DNM3: variants seen among roughly 807,000 people sequenced by gnomAD.
DNM3 encodes the protein dynamin-3.
A neutral mutation model predicts 101.6 loss-of-function variants in DNM3; 47 were observed. The ratio of observed to expected loss-of-function variants is 0.46; its 90% confidence interval spans 0.37 to 0.59. The LOEUF is 0.59. Ranked by LOEUF, DNM3 falls within the 20% of genes least tolerant of loss-of-function variation. The pLI is 0.00. For synonymous variants in DNM3, 385 were observed against 387.9 expected, an observed-to-expected ratio of 0.99 and a Z score of 0.09; for missense variants, 849 against 1,085.7, an observed-to-expected ratio of 0.78 and a Z score of 3.06.
chr1:172,011,774 T>G (rs908360427), intron 4 of DNM3, among the ~76,000 whole-genome samples: 5 of 152,028 alleles, frequency 3.3e-5, no homozygotes, highest in Non-Finnish European at 7.4e-5. Context: ...TCAAAACCAA[T>G]AGATCCAAAT....
In DNM3 at chr1:172,253,557, C is replaced by T. The variant is rs1254119746; in HGVS notation, c.1660-16C>T. On this transcript the variant is annotated splice_polypyrimidine_tract_variant and intron_variant, in intron 14 of 20. Coordinates refer to ENST00000627582, the MANE Select transcript of DNM3 (RefSeq NM_015569.5). ...CTCCTCTCCTCTCCCTCTTTTCTTT[C>T]TCTCTCTTATAATAGGAAAAAGAAA... The T allele has an allele frequency of 6.9e-7, 1 of 1,452,660 alleles. No homozygotes were observed. Among genetic ancestry groups the T allele is most frequent in the Admixed American group, 2.1e-5 (1 of 47,860 alleles). The allele number at this position is 1,452,660 out of a possible 1,614,324, so 90.0% of individuals were successfully genotyped here.
intron 1 of DNM3, among the ~76,000 whole-genome samples, chr1:171,877,901 A>G (rs2035921473): frequency 6.6e-6 from 1 of 152,296 alleles, no homozygotes; most frequent in Admixed American, 6.5e-5. Context: ...GTGTCTGATT[A>G]TGAACAGGCT....
At chr1:172,306,434 T>G (rs9425543) in intron 15 of DNM3, among the ~76,000 whole-genome samples, 51,668 of 151,904 alleles carry the variant, frequency 0.34, 9,641 homozygotes, top group African/African-American at 0.5. Context: ...AATCAATATT[T>G]TGAAAATGGC....
intron 1 of DNM3, among the ~76,000 whole-genome samples, chr1:171,871,648 C>A (rs570596796): frequency 7.2e-5 from 11 of 152,168 alleles, no homozygotes; most frequent in Non-Finnish European, 1.5e-4. Flanking sequence ...ATATTAGTGA[C>A]CATATAAGTT....
intron 9 of DNM3, among the ~76,000 whole-genome samples, chr1:172,045,077 A>T (rs2049683969): frequency 2.7e-5 from 4 of 149,762 alleles, no homozygotes; most frequent in Admixed American, 6.6e-5. Context: ...GAGCGGGCAC[A>T]GTATATATCC....
chr1:172,379,299 G>T (rs1310364425), intron 18 of DNM3, 117 bp downstream of exon 18: 2 of 936,762 alleles, frequency 2.1e-6, no homozygotes, highest in East Asian at 2.7e-5. Flanking sequence ...TATTACCCAG[G>T]TTCATCATTT....
intron 2 of DNM3, among the ~76,000 whole-genome samples, chr1:171,941,046 G>A (rs961641149): frequency 3.9e-5 from 6 of 151,930 alleles, no homozygotes; most frequent in Non-Finnish European, 8.8e-5. Context: ...GTGCTATTGA[G>A]ATCATTAAAC....
chr1:172,381,959 C>T (rs56209454), intron 18 of DNM3, among the ~76,000 whole-genome samples: 86 of 152,204 alleles, frequency 5.7e-4, no homozygotes, highest in African/African-American at 1.9e-3. Flanking sequence ...GAATATGTTT[C>T]GGCCTTCTGA....
At chr1:172,064,477 G>A (rs528723768) in intron 10 of DNM3, among the ~76,000 whole-genome samples, 1 of 152,010 alleles carries the variant, frequency 6.6e-6, no homozygotes, top group Non-Finnish European at 1.5e-5. Flanking sequence ...TAAGTAAAGG[G>A]TGACACAAAC....
rs2064957037 is a variant in DNM3 at position 172,308,797 on chromosome 1, G to T, written c.1839G>T (p.Lys613Asn). 6.2e-7 allele frequency: 1 copy of T among 1,610,688 alleles called. No individual in the cohort carries two copies. The highest frequency in any genetic ancestry group is 8.5e-7 in the Non-Finnish European group (1 of 1,178,572). Reference protein sequence around the residue: ...CDSQEDVDSWKASLLRAGVYP... With the variant: ...CDSQEDVDSWNASLLRAGVYP... ...CCCAGGAGGATGTCGACAGCTGGAA[G>T]GCATCTCTACTAAGAGCTGGGGTCT... Residue 613 changes from lysine (K) to asparagine (N), a missense_variant, in exon 16 of 21, where the codon AAG (lysine) becomes AAT (asparagine). By Grantham distance (94) the Lys-to-Asn change is moderately conservative. Around this residue, in one of 5 missense-constraint regions of DNM3, gnomAD observed 5 missense variants for 23.4 expected, o/e 0.21. Coordinates refer to ENST00000627582, the MANE Select transcript of DNM3 (RefSeq NM_015569.5).
chr1:171,920,523 A>C (rs1571616399), intron 1 of DNM3, among the ~76,000 whole-genome samples: 2 of 152,280 alleles, frequency 1.3e-5, no homozygotes, highest in South Asian at 4.1e-4. Context: ...TGTGGTTATA[A>C]TACTTTCTGA....
At chr1:172,120,602 T>C (rs1375831490) in intron 13 of DNM3, among the ~76,000 whole-genome samples, 1 of 152,142 alleles carries the variant, frequency 6.6e-6, no homozygotes, top group Admixed American at 6.5e-5. Context: ...TTAGGTAGAG[T>C]GGCCACACTG....
chr1:171,978,885 C>A (rs1000579344), intron 2 of DNM3, among the ~76,000 whole-genome samples: 1 of 151,976 alleles, frequency 6.6e-6, no homozygotes, highest in Non-Finnish European at 1.5e-5. Flanking sequence ...GTGGAAATGT[C>A]AGTTAAGCAT....
At chr1:172,195,507 C>T (rs968305856) in intron 14 of DNM3, among the ~76,000 whole-genome samples, 3 of 151,848 alleles carry the variant, frequency 2.0e-5, no homozygotes, top group African/African-American at 4.8e-5. Context: ...TTCCTCATCT[C>T]ATGGTACAGC....
intron 15 of DNM3, among the ~76,000 whole-genome samples, chr1:172,270,345 C>G (rs1296433691): frequency 2.0e-5 from 3 of 151,336 alleles, no homozygotes; most frequent in African/African-American, 7.3e-5. Flanking sequence ...ATCATGCACT[C>G]AAGATATTAA....
intron 16 of DNM3, among the ~76,000 whole-genome samples, chr1:172,312,012 T>G (rs1368855810): frequency 6.6e-6 from 1 of 152,226 alleles, no homozygotes; most frequent in Non-Finnish European, 1.5e-5. Flanking sequence ...ATTGCTTGAC[T>G]TTCAGATATT....
intron 20 of DNM3, among the ~76,000 whole-genome samples, chr1:172,402,591 C>T (rs781311368): frequency 6.6e-6 from 1 of 152,130 alleles, no homozygotes; most frequent in Non-Finnish European, 1.5e-5. Context: ...TGCTGGACTT[C>T]AATCCTACCC....
At chr1:172,011,579 A>G (rs1484785529) in intron 4 of DNM3, among the ~76,000 whole-genome samples, 2 of 151,986 alleles carry the variant, frequency 1.3e-5, no homozygotes, top group Non-Finnish European at 2.9e-5. Flanking sequence ...TGTTTTATAT[A>G]TTGTATCCAG....
chr1:172,103,980 G>A (rs1352347824), intron 13 of DNM3, among the ~76,000 whole-genome samples: 1 of 152,178 alleles, frequency 6.6e-6, no homozygotes, highest in African/African-American at 2.4e-5. Context: ...CAGTCTGGGT[G>A]ACAGAGCGAG....
Sources: allele counts gnomAD v4.1 joint callset (sites outside exome capture counted in the v4.1 genomes callset), GRCh38; gene constraint gnomAD v4.1.1; regional missense constraint gnomAD v4.1.1; transcripts MANE v1.5; gene names NCBI Gene and HGNC (gene_info 2026-07-23, HGNC 2026-07-21).